ELP4: variants seen among roughly 807,000 people sequenced by gnomAD.
ELP4 encodes the protein elongator acetyltransferase complex subunit 4.
In ELP4, 51 loss-of-function variants were observed where a neutral mutation model predicts 48.9. That is an observed-to-expected ratio of 1.04 (90% CI 0.83 to 1.32). ELP4 has a LOEUF of 1.32. Among genes scored for constraint, ELP4 ranks in the 40% most tolerant of loss-of-function variants. The pLI is 0.00. For synonymous variants in ELP4, 210 were observed against 189.2 expected (o/e 1.11, Z -0.90); for missense variants, 519 against 514.6 (o/e 1.01, Z -0.08).
chr11:31,666,708 AAGGTTCC>A (rs1945688453), intron 9 of ELP4, among the ~76,000 whole-genome samples: 2 of 151,660 alleles, frequency 1.3e-5, no homozygotes, highest in Non-Finnish European at 2.9e-5. Context: ...AAAAAAAAAA[AAGGTTCC>A]TTATGTAGAC....
chr11:31,731,319 A>G (rs1237318059), intron 9 of ELP4, among the ~76,000 whole-genome samples: 1 of 152,228 alleles, frequency 6.6e-6, no homozygotes, highest in Non-Finnish European at 1.5e-5. Context: ...CAGAGAAACT[A>G]TGTGTGAACA....
intron 3 of ELP4, among the ~76,000 whole-genome samples, chr11:31,550,270 A>G (rs1956824458): frequency 6.6e-6 from 1 of 152,148 alleles, no homozygotes; most frequent in Non-Finnish European, 1.5e-5. Context: ...TTGTAAAAAT[A>G]AAGTCATTAA....
At chr11:31,592,223 T>C (rs1003512639) in intron 3 of ELP4, among the ~76,000 whole-genome samples, 4 of 152,176 alleles carry the variant, frequency 2.6e-5, no homozygotes, top group Non-Finnish European at 5.9e-5. Context: ...GTTGTTTTTA[T>C]GTTATGTCAA....
At chr11:31,693,249 G>C (rs1362210938) in intron 9 of ELP4, among the ~76,000 whole-genome samples, 2 of 152,006 alleles carry the variant, frequency 1.3e-5, no homozygotes, top group Non-Finnish European at 2.9e-5. Flanking sequence ...ATGTTGGTGT[G>C]CTGTACCCAT....
chr11:31,737,293 G>T (rs868196163), intron 9 of ELP4, among the ~76,000 whole-genome samples: 2 of 151,940 alleles, frequency 1.3e-5, no homozygotes, highest in African/African-American at 4.8e-5. Context: ...ACAGGAAGGG[G>T]AACATCACAC....
chr11:31,638,969 T>C (rs920339982), intron 7 of ELP4, among the ~76,000 whole-genome samples: 7 of 151,848 alleles, frequency 4.6e-5, no homozygotes. Context: ...TTTGGGAAAA[T>C]ATTTTTTATC....
chr11:31,766,417 TGTAA>T (rs144781699), intron 9 of ELP4, among the ~76,000 whole-genome samples: 7 of 152,230 alleles, frequency 4.6e-5, no homozygotes, highest in African/African-American at 1.7e-4. Context: ...TGGAATATAG[TGTAA>T]GTATTACTGA....
intron 9 of ELP4, among the ~76,000 whole-genome samples, chr11:31,717,604 A>T (rs1402215299): frequency 6.6e-6 from 1 of 152,050 alleles, no homozygotes; most frequent in East Asian, 1.9e-4. Context: ...AAATACAAAA[A>T]TTAGCTGGGT....
In ELP4 at chr11:31,509,780, C is replaced by T. The variant is rs778782381; in HGVS notation, c.-5C>T. ...TCCTATTGGGTTAACACTGGAGGCT[C>T]TAAGATGGCGGCAGTGGCAACCTGC... On this transcript the variant is annotated 5_prime_UTR_variant, in exon 1 of 10. Transcript: ENST00000640961. 1.9e-6 allele frequency: 3 copies of T among 1,613,770 alleles called. No individual in the cohort carries two copies. Among genetic ancestry groups the T allele is most frequent in the Admixed American group, 1.7e-5 (1 of 60,000 alleles).
chr11:31,551,875 T>C (rs952772161), intron 3 of ELP4, among the ~76,000 whole-genome samples: 3 of 152,152 alleles, frequency 2.0e-5, no homozygotes, highest in Admixed American at 6.6e-5. Context: ...TCAAAACATA[T>C]CATGACCCTA....
At chr11:31,550,043 A>C (rs991138406) in intron 3 of ELP4, among the ~76,000 whole-genome samples, 9 of 152,100 alleles carry the variant, frequency 5.9e-5, no homozygotes, top group African/African-American at 2.2e-4. Context: ...CTAGATGACG[A>C]GTTAGTGGGT....
At chr11:31,755,917 C>T (rs1158192166) in intron 9 of ELP4, among the ~76,000 whole-genome samples, 1 of 152,120 alleles carries the variant, frequency 6.6e-6, no homozygotes, top group East Asian at 1.9e-4. Flanking sequence ...CACCTGGTTC[C>T]TTGTGGAGAG....
intron 5 of ELP4, among the ~76,000 whole-genome samples, chr11:31,610,949 C>T (rs1303348118): frequency 6.6e-6 from 1 of 152,188 alleles, no homozygotes; most frequent in Admixed American, 6.5e-5. Context: ...TCTCTCTCTG[C>T]ATCCAATCTA....
intron 9 of ELP4, among the ~76,000 whole-genome samples, chr11:31,703,431 T>G (rs1447310865): frequency 6.6e-6 from 1 of 152,180 alleles, no homozygotes; most frequent in African/African-American, 2.4e-5. Flanking sequence ...TTAGCCAGTG[T>G]TTTTCAAAGT....
At chr11:31,581,092 A>T (rs1349291394) in intron 3 of ELP4, among the ~76,000 whole-genome samples, 1 of 152,140 alleles carries the variant, frequency 6.6e-6, no homozygotes, top group Non-Finnish European at 1.5e-5. Flanking sequence ...TTCATCTCAA[A>T]ACTTTCCACT....
At chr11:31,643,821 C>T (rs1945147931) in intron 7 of ELP4, among the ~76,000 whole-genome samples, 1 of 151,760 alleles carries the variant, frequency 6.6e-6, no homozygotes, top group Non-Finnish European at 1.5e-5. Context: ...AAAACAAATA[C>T]TCTGAAGGTT....
At chr11:31,514,703 A>G (rs1237873761) in intron 1 of ELP4, among the ~76,000 whole-genome samples, 1 of 152,222 alleles carries the variant, frequency 6.6e-6, no homozygotes, top group Non-Finnish European at 1.5e-5. Context: ...TTTTGGAATT[A>G]GATAAAATTA....
At chr11:31,672,714 G>A (rs1024220676) in intron 9 of ELP4, among the ~76,000 whole-genome samples, 1 of 152,060 alleles carries the variant, frequency 6.6e-6, no homozygotes, top group Admixed American at 6.6e-5. Flanking sequence ...ACCTGAGCCC[G>A]GGAGGTCAAG....
intron 9 of ELP4, among the ~76,000 whole-genome samples, chr11:31,730,130 CT>C (rs1947153995): frequency 6.6e-6 from 1 of 152,170 alleles, no homozygotes; most frequent in Non-Finnish European, 1.5e-5. Context: ...TCATTGCACC[CT>C]CTCACCATTG....
Sources: gnomAD v4.1 joint callset for allele counts (sites outside exome capture counted in the v4.1 genomes callset) on GRCh38, gnomAD v4.1.1 for gene constraint, MANE v1.5 for transcripts, NCBI Gene and HGNC (gene_info 2026-07-23, HGNC 2026-07-21) for gene names.